The following FOXK1 variants were observed in gnomAD, a reference collection of about 807,000 sequenced individuals.
The protein encoded by FOXK1 is forkhead box K1.
A neutral mutation model predicts 51.9 loss-of-function variants in FOXK1; 19 were observed. The observed-to-expected ratio is 0.37, with a 90% confidence interval of 0.26 to 0.54. The LOEUF is 0.54. Ranked by LOEUF, FOXK1 falls within the 20% of genes least tolerant of loss-of-function variation. The probability of loss-of-function intolerance (pLI) is 0.87; values close to 1 mark genes in which losing one functional copy is unlikely to be tolerated. For synonymous variants in FOXK1, 537 were observed against 482.6 expected, an observed-to-expected ratio of 1.11 and a Z score of -1.48; for missense variants, 870 against 1,032.7, an observed-to-expected ratio of 0.84 and a Z score of 2.16.
rs1224549191 is a variant in FOXK1 at position 4,761,729 on chromosome 7, G to T, written c.1921+441G>T. 6.6e-6 allele frequency among the ~76,000 whole-genome samples: 1 copy of T among 152,106 alleles called. No individual in the cohort carries two copies. Among genetic ancestry groups the T allele is most frequent in the African/African-American group, 2.4e-5 (1 of 41,416 alleles). ...AAAAAGTGGGGGGAAAGAAAACAGG[G>T]TGGAAGGAAAACCCAGATCTGCCCA... On this transcript the variant is annotated intron_variant, in intron 8 of 8. Coordinates refer to ENST00000328914, the MANE Select transcript of FOXK1 (RefSeq NM_001037165.2). This position sits in a 1 kb window ranked among gnomAD's most constrained non-coding sequence, Gnocchi z 6.2.
At position 4,733,702 on chromosome 7, in the gene FOXK1, T is replaced by G. The variant is rs961973125; in HGVS notation, c.561-7136T>G. 6.6e-6 allele frequency among the ~76,000 whole-genome samples: 1 copy of G among 152,254 alleles called. No homozygotes were observed. The highest frequency in any genetic ancestry group is 2.4e-5 in the African/African-American group (1 of 41,474). ...AGCTGCCCAGTGCCCACATGGGAAC[T>G]GCATCCTGCAGGTATCGCTCGTGAA... On this transcript the variant is annotated intron_variant, in intron 1 of 8. Coordinates refer to ENST00000328914, the MANE Select transcript of FOXK1 (RefSeq NM_001037165.2). The surrounding 1 kb of genome is among the most constrained non-coding windows in gnomAD (Gnocchi z 5.0).
chr7:4,754,430 G>T lies in FOXK1; in HGVS notation c.747-29G>T, dbSNP rs1461867723. The T allele has an allele frequency of 1.9e-6, 3 of 1,606,312 alleles. No homozygotes were observed. In the South Asian group the frequency reaches 3.3e-5, roughly 18 times the overall value. Reference sequence around the variant, plus strand: ...ACAGGGGCCCCCTCTTCAGAGCCATGAACTTACAGTGTCCTTCTCTCTCCT... The same window carrying T: ...ACAGGGGCCCCCTCTTCAGAGCCATTAACTTACAGTGTCCTTCTCTCTCCT... On this transcript the variant is annotated intron_variant, in intron 2 of 8. Coordinates refer to ENST00000328914, the MANE Select transcript of FOXK1 (RefSeq NM_001037165.2).
In FOXK1 at chr7:4,693,081, T is replaced by G. The variant is rs151181868; in HGVS notation, c.560+10213T>G. ...TTTTATACTGTGTTACGTTAAAACCTATTGCTCTTTCATTTTGAATGAGTC... is the reference window on the plus strand; with the variant it reads ...TTTTATACTGTGTTACGTTAAAACCGATTGCTCTTTCATTTTGAATGAGTC... On this transcript the variant is annotated intron_variant, in intron 1 of 8. Transcript: ENST00000328914. 3.3e-5 allele frequency among the ~76,000 whole-genome samples: 5 copies of G among 152,356 alleles called. No homozygotes were observed. The East Asian group carries it at 9.6e-4, about 29-fold the overall frequency.
rs1223188266 is a variant in FOXK1, at chr7:4,749,421, G to T, written c.747-5038G>T. Among the ~76,000 whole-genome samples the T allele has an allele frequency of 6.6e-6, 1 of 152,208 alleles. No homozygotes were observed. The highest frequency in any genetic ancestry group is 1.5e-5 in the Non-Finnish European group (1 of 68,034). ...TCTTAGAGCGGCTGGTATTGGAGCA[G>T]GGGCTGGGGCAGGGACCCCAAGCGT... On this transcript the variant is annotated intron_variant, in intron 2 of 8. Transcript: ENST00000328914. The surrounding 1 kb of genome is among the most constrained non-coding windows in gnomAD (Gnocchi z 6.0).
chr7:4,754,429 T>C (rs1032850596), intron 2 of FOXK1, 30 bp from the exon 3 acceptor site: 4 of 1,605,802 alleles, frequency 2.5e-6, no homozygotes, highest in Non-Finnish European at 3.4e-6. Flanking sequence ...TTCAGAGCCA[T>C]GAACTTACAG....
rs1780988858 is a variant in FOXK1 at position 4,764,829 on chromosome 7, C to T, written c.*2365C>T. ...TGCTGGGATTGCACCACGTGTTGGT[C>T]ACAAATCGAGGTCGCCTTTTGGCCT... is the stretch of plus-strand genomic sequence containing the variant. On this transcript the variant is annotated 3_prime_UTR_variant, in exon 9 of 9. Transcript: ENST00000328914. The T allele has an allele frequency of 6.6e-6, 1 of 152,358 alleles. No individual in the cohort carries two copies. 9.4% of individuals were successfully genotyped at this position (152,358 alleles called of 1,614,324 possible).
At chr7:4,697,081 A>G (rs558305031) in intron 1 of FOXK1, among the ~76,000 whole-genome samples, 12 of 152,284 alleles carry the variant, frequency 7.9e-5, no homozygotes, top group African/African-American at 2.9e-4. Context: ...TAAGCAAAAA[A>G]AAGAAAATGC....
At chr7:4,695,599 C>A (rs188905025) in intron 1 of FOXK1, among the ~76,000 whole-genome samples, 8 of 152,084 alleles carry the variant, frequency 5.3e-5, no homozygotes, top group African/African-American at 1.9e-4. Flanking sequence ...GTCAGGAGTT[C>A]GACACCACCC....
intron 1 of FOXK1, among the ~76,000 whole-genome samples, chr7:4,697,151 G>A (rs906752484): frequency 7.2e-5 from 11 of 152,178 alleles, no homozygotes; most frequent in African/African-American, 2.7e-4. Flanking sequence ...AGCGGCCTGG[G>A]CACGGCTGCA....
chr7:4,685,221 CTTTTT>C (rs55891300), intron 1 of FOXK1, among the ~76,000 whole-genome samples: 1 of 102,616 alleles, frequency 9.7e-6, no homozygotes. Flanking sequence ...GAGCTATTTG[CTTTTT>C]TTTTTTTTTT....
intron 1 of FOXK1, among the ~76,000 whole-genome samples, chr7:4,717,027 G>T (rs1433474152): frequency 1.4e-5 from 2 of 148,034 alleles, no homozygotes; most frequent in East Asian, 4.1e-4. Context: ...TGGGAGGCGT[G>T]TGGCTGGGAG....
rs900252972 is a variant in FOXK1 at position 4,711,077 on chromosome 7, G to A, written c.560+28209G>A. Reference sequence around the variant, plus strand: ...AGAGAAGATGGAGATGGATGGAGACGGCTGTCCATCAGCTGTGCAGGGCCA... The same window carrying A: ...AGAGAAGATGGAGATGGATGGAGACAGCTGTCCATCAGCTGTGCAGGGCCA... On this transcript the variant is annotated intron_variant, in intron 1 of 8. Transcript: ENST00000328914. This position sits in a 1 kb window ranked among gnomAD's most constrained non-coding sequence, Gnocchi z 6.3. 1.3e-5 allele frequency among the ~76,000 whole-genome samples: 2 copies of A among 152,144 alleles called. No individual in the cohort carries two copies. The highest frequency in any genetic ancestry group is 2.4e-5 in the African/African-American group (1 of 41,444).
rs1781075499 is a variant in FOXK1 at position 4,769,921 on chromosome 7, G to GT, written c.*7458dup. 6.6e-6 allele frequency: 1 copy of GT among 152,204 alleles called. No homozygotes were observed. Among genetic ancestry groups the GT allele is most frequent in the African/African-American group, 2.4e-5 (1 of 41,430 alleles). 9.4% of individuals were successfully genotyped at this position (152,204 alleles called of 1,614,324 possible). On this transcript the variant is annotated 3_prime_UTR_variant, in exon 9 of 9. Coordinates refer to ENST00000328914, the MANE Select transcript of FOXK1 (RefSeq NM_001037165.2). This position sits in a 1 kb window ranked among gnomAD's most constrained non-coding sequence, Gnocchi z 4.1. Reference sequence around the variant, plus strand: ...CCCTGTGTCAGACACGGTGAAAAGAGTGCAGGAAAGCTGGGGCCAGGGGAA... The same window carrying GT: ...CCCTGTGTCAGACACGGTGAAAAGAGTTGCAGGAAAGCTGGGGCCAGGGGAA...
At chr7:4,739,484 A>G (rs559479748) in intron 1 of FOXK1, among the ~76,000 whole-genome samples, 119 of 152,326 alleles carry the variant, frequency 7.8e-4, no homozygotes, top group African/African-American at 2.6e-3. Flanking sequence ...ATCAGTTTAG[A>G]AATTGAAAGG....
At chr7:4,726,621 C>CA (rs557341220) in intron 1 of FOXK1, among the ~76,000 whole-genome samples, 7,310 of 137,512 alleles carry the variant, frequency 0.053, 230 homozygotes, top group Admixed American at 0.1. Context: ...GACTCCGTCT[C>CA]AAAAAAAAAA....
intron 1 of FOXK1, among the ~76,000 whole-genome samples, chr7:4,705,402 G>GAAC (rs1422250719): frequency 6.6e-6 from 1 of 151,964 alleles, no homozygotes; most frequent in African/African-American, 2.4e-5. Context: ...GGCTGGTCTT[G>GAAC]AACTCGTGGG....
At chr7:4,688,266 TAA>T (rs34515938) in intron 1 of FOXK1, among the ~76,000 whole-genome samples, 1,382 of 135,576 alleles carry the variant, frequency 0.01, 20 homozygotes, top group African/African-American at 0.034. Flanking sequence ...TAAGAATTCT[TAA>T]AAAAAAAAAA....
At position 4,767,741 on chromosome 7, in the gene FOXK1, G is replaced by A. The variant is rs1454199315; in HGVS notation, c.*5277G>A. On this transcript the variant is annotated 3_prime_UTR_variant, in exon 9 of 9. Coordinates refer to ENST00000328914, the MANE Select transcript of FOXK1 (RefSeq NM_001037165.2). This position sits in a 1 kb window ranked among gnomAD's most constrained non-coding sequence, Gnocchi z 6.6. ...TCCAGGCCTGTTTTTCAGTGCTCAG[G>A]ACACGGTTTTCATCACATACTTACT... The A allele has an allele frequency of 3.3e-5, 5 of 152,082 alleles. No homozygotes were observed. Among genetic ancestry groups the A allele is most frequent in the African/African-American group, 1.2e-4 (5 of 41,414 alleles). 9.4% of individuals were successfully genotyped at this position (152,082 alleles called of 1,614,324 possible).
intron 1 of FOXK1, among the ~76,000 whole-genome samples, chr7:4,698,101 A>T (rs1417466608): frequency 6.6e-6 from 1 of 152,160 alleles, no homozygotes; most frequent in African/African-American, 2.4e-5. Flanking sequence ...CTGGGACTAC[A>T]GGCGAGAGCC....
Sources: gnomAD v4.1 joint callset for allele counts (sites outside exome capture counted in the v4.1 genomes callset) on GRCh38, gnomAD v4.1.1 for gene constraint, Gnocchi (gnomAD v3.1) non-coding constraint, MANE v1.5 for transcripts, NCBI Gene and HGNC (gene_info 2026-07-23, HGNC 2026-07-21) for gene names.